SLC3A1: variants seen among roughly 807,000 people sequenced by gnomAD.
SLC3A1 encodes amino acid transporter heavy chain SLC3A1.
Under a neutral mutation model 60.3 loss-of-function variants are expected in SLC3A1, and 78 were observed. That is an observed-to-expected ratio of 1.29 (90% CI 1.08 to 1.56). The LOEUF is 1.56. Among genes scored for constraint, SLC3A1 ranks in the 40% most tolerant of loss-of-function variants. SLC3A1 has a pLI of 0.00. For synonymous variants in SLC3A1, 392 were observed against 307.9 expected, an observed-to-expected ratio of 1.27 and a Z score of -2.86; for missense variants, 1,172 against 858.9, an observed-to-expected ratio of 1.36 and a Z score of -4.56.
intron 6 of SLC3A1, among the ~76,000 whole-genome samples, chr2:44,302,849 G>A (rs939401865): frequency 1.2e-4 from 18 of 152,152 alleles, no homozygotes; most frequent in Non-Finnish European, 4.4e-5. Context: ...TTAGTGTCAG[G>A]ATGTTACTGA....
intron 1 of SLC3A1, 64 bp downstream of exon 1, chr2:44,276,029 C>T: frequency 6.9e-7 from 1 of 1,455,680 alleles, no homozygotes; most frequent in Non-Finnish European, 9.6e-7. Flanking sequence ...TTCTTTTGTT[C>T]TTCAGAACCA....
At chr2:44,284,094 A>G (rs1671558003) in intron 3 of SLC3A1, among the ~76,000 whole-genome samples, 1 of 151,464 alleles carries the variant, frequency 6.6e-6, no homozygotes, top group Admixed American at 6.6e-5. Context: ...TCTTTTTTTT[A>G]TTTTTGAGAT....
chr2:44,312,836 ACTAT>A (rs1329696729), intron 8 of SLC3A1, 83 bp downstream of exon 8: 10 of 1,120,314 alleles, frequency 8.9e-6, no homozygotes, highest in African/African-American at 3.1e-5. Flanking sequence ...CAGAGAACTT[ACTAT>A]CTCTCTATTG....
chr2:44,311,380 A>C (rs1424734520), intron 7 of SLC3A1, among the ~76,000 whole-genome samples: 1 of 152,172 alleles, frequency 6.6e-6, no homozygotes, highest in Admixed American at 6.5e-5. Flanking sequence ...TGGTCTTCCT[A>C]AGCAATATTT....
chr2:44,278,695 A>G (rs749422568), intron 1 of SLC3A1, among the ~76,000 whole-genome samples: 12 of 152,218 alleles, frequency 7.9e-5, no homozygotes, highest in Non-Finnish European at 1.5e-4. Context: ...CTAGAAGGAG[A>G]AAACACATTA....
At chr2:44,309,372 A>T (rs1672237460) in intron 7 of SLC3A1, among the ~76,000 whole-genome samples, 1 of 152,192 alleles carries the variant, frequency 6.6e-6, no homozygotes, top group Admixed American at 6.5e-5. Flanking sequence ...TCCTTCATAC[A>T]TACAATAGCA....
intron 4 of SLC3A1, among the ~76,000 whole-genome samples, chr2:44,286,619 G>T (rs779262648): frequency 7.3e-6 from 1 of 137,922 alleles, no homozygotes; most frequent in African/African-American, 2.8e-5. Context: ...TGAGCTGTGC[G>T]GTGTCTGTGA....
In SLC3A1 at chr2:44,313,519, G is replaced by A. The variant is rs192373355; in HGVS notation, c.1501-316G>A. 1.6e-4 allele frequency among the ~76,000 whole-genome samples: 25 copies of A among 152,240 alleles called. No homozygotes were observed. In the East Asian group the frequency reaches 1.7e-3, roughly 11 times the overall value. Reference sequence around the variant, plus strand: ...CCAACACTGTACCATAGTAGAAGTCGTGTAAACTGGCAATAGCACATTTTG... The same window carrying A: ...CCAACACTGTACCATAGTAGAAGTCATGTAAACTGGCAATAGCACATTTTG... On this transcript the variant is annotated intron_variant, in intron 8 of 9. Coordinates refer to ENST00000260649, the MANE Select transcript of SLC3A1 (RefSeq NM_000341.4).
intron 7 of SLC3A1, among the ~76,000 whole-genome samples, chr2:44,306,550 CTTTTT>C (rs11290172): frequency 0.021 from 2,160 of 101,168 alleles, 23 homozygotes; most frequent in Middle Eastern, 0.12. Context: ...TACCATAAAA[CTTTTT>C]TTTTTTTTTT....
At chr2:44,319,955 C>G (rs954219799) in intron 9 of SLC3A1, 9 of 485,156 alleles carry the variant, frequency 1.9e-5, no homozygotes, top group Non-Finnish European at 3.3e-5. Context: ...AGAAACTCTA[C>G]AATGTAGCAG....
At chr2:44,278,982 A>T (rs920460057) in intron 1 of SLC3A1, among the ~76,000 whole-genome samples, 34 of 151,586 alleles carry the variant, frequency 2.2e-4, no homozygotes, top group Non-Finnish European at 4.1e-4. Flanking sequence ...TGATGCATTT[A>T]CTTATTTATT....
chr2:44,276,040 A>G lies in SLC3A1; in HGVS notation c.430+75A>G, dbSNP rs150998690. 2.0e-5 allele frequency: 27 copies of G among 1,345,870 alleles called. No individual in the cohort carries two copies. The African/African-American group carries it at 3.0e-4, about 15-fold the overall frequency. The allele number at this position is 1,345,870 out of a possible 1,614,324, so 83.4% of individuals were successfully genotyped here. A position where few individuals can be genotyped will look rare whatever the true frequency, so the allele number is the denominator to read the frequency against. On this transcript the variant is annotated intron_variant, in intron 1 of 9. Transcript: ENST00000260649. The stretch of plus-strand genomic sequence containing the variant: ...ATGGTTCTTTTGTTCTTCAGAACCA[A>G]ATTATGCCTGGGTTGTTCAGTAAGC...
chr2:44,300,354 T>C (rs1671972038), intron 5 of SLC3A1, among the ~76,000 whole-genome samples: 1 of 152,176 alleles, frequency 6.6e-6, no homozygotes. Flanking sequence ...CAGTGTGGGC[T>C]CTACCAAGGG....
intron 9 of SLC3A1, among the ~76,000 whole-genome samples, chr2:44,317,187 G>T (rs546930905): frequency 6.6e-6 from 1 of 152,312 alleles, no homozygotes; most frequent in South Asian, 2.1e-4. Flanking sequence ...TTCCTGCTGG[G>T]TATGGTGGCT....
chr2:44,285,629 C>T (rs1422423848), intron 3 of SLC3A1: 2 of 474,964 alleles, frequency 4.2e-6, no homozygotes, highest in Non-Finnish European at 8.7e-6. Context: ...TATCTGGGCT[C>T]AAGCTCCAAG....
intron 9 of SLC3A1, chr2:44,316,178 C>T (rs1372079): frequency 0.77 from 116,850 of 152,086 alleles, 45,819 homozygotes; most frequent in African/African-American, 0.86. Context: ...AATCACACAG[C>T]ATCTGAGAAA....
chr2:44,278,562 C>A (rs1160461107), intron 1 of SLC3A1, among the ~76,000 whole-genome samples: 1 of 152,132 alleles, frequency 6.6e-6, no homozygotes, highest in Non-Finnish European at 1.5e-5. Context: ...GAATTAGTGA[C>A]CTTCAGCCTG....
intron 7 of SLC3A1, among the ~76,000 whole-genome samples, chr2:44,309,181 A>G (rs1386366058): frequency 6.6e-6 from 1 of 152,178 alleles, no homozygotes; most frequent in Non-Finnish European, 1.5e-5. Context: ...ATCATCCCAA[A>G]CAGAAAATCT....
At chr2:44,281,314 A>T (rs1349488694) in intron 2 of SLC3A1, 73 bp from the exon 3 acceptor site, 3 of 1,345,110 alleles carry the variant, frequency 2.2e-6, no homozygotes, top group Non-Finnish European at 3.2e-6. Context: ...GTTAGCCATT[A>T]CTGTGCCTGG....
Sources: gnomAD v4.1 joint callset for allele counts (sites outside exome capture counted in the v4.1 genomes callset) on GRCh38, gnomAD v4.1.1 for gene constraint, MANE v1.5 for transcripts, NCBI Gene and HGNC (gene_info 2026-07-23, HGNC 2026-07-21) for gene names.